Variants in FAT3 observed in about 807,000 individuals in gnomAD.
The protein encoded by FAT3 is FAT atypical cadherin 3.
Under a neutral mutation model 310.2 loss-of-function variants are expected in FAT3, and 95 were observed. The ratio of observed to expected loss-of-function variants is 0.31; its 90% confidence interval spans 0.26 to 0.36. The LOEUF (loss-of-function observed/expected upper bound fraction) is 0.36, where lower values mean the gene tolerates loss of function less well. FAT3 is among the 10% of genes least tolerant of loss of function. The pLI, the probability that FAT3 is intolerant of heterozygous loss-of-function variation, is 1.00. For missense variants in FAT3, 5,408 were observed against 5,715.6 expected, an observed-to-expected ratio of 0.95 and a Z score of 1.74; for synonymous variants, 2,314 against 2,192.9, an observed-to-expected ratio of 1.06 and a Z score of -1.54.
Position 92,798,201 on chromosome 11 carries a change from G to A in FAT3, c.5188G>A (p.Asp1730Asn), listed in dbSNP as rs770273375. ...SGVITTQKAL[D>N]YERTSSYQLI... ...AGTCATCACCACTCAGAAGGCCCTG[G>A]ATTATGAGCGCACATCCTCTTATCA... is the stretch of plus-strand genomic sequence containing the variant. Residue 1730 changes from aspartate (D) to asparagine (N), a missense_variant, in exon 10 of 28, where the codon GAT becomes AAT. Transcript: ENST00000525166. 3 of 1,613,782 alleles carry A rather than the reference G, an allele frequency of 1.9e-6. No homozygotes were observed. Among genetic ancestry groups the A allele is most frequent in the Admixed American group, 3.3e-5 (2 of 59,996 alleles).
At chr11:92,487,011 T>A (rs976664135) in intron 2 of FAT3, among the ~76,000 whole-genome samples, 2 of 152,142 alleles carry the variant, frequency 1.3e-5, no homozygotes, top group Non-Finnish European at 2.9e-5. Context: ...AAGGCAGAGT[T>A]TAAAAGGGTC....
At chr11:92,774,001 T>C in intron 6 of FAT3, 40 bp from the exon 7 acceptor site, 1 of 1,607,802 alleles carries the variant, frequency 6.2e-7, no homozygotes, top group Non-Finnish European at 8.5e-7. Flanking sequence ...TGTAACAAGT[T>C]ATCAGATTTG....
Position 92,633,694 on chromosome 11 carries a change from T to C in FAT3, c.3608-63690T>C, listed in dbSNP as rs560466791. Among the ~76,000 whole-genome samples, 59 of 152,282 alleles carry C rather than the reference T, an allele frequency of 3.9e-4. 1 individual carries two copies. In the South Asian group the frequency reaches 0.012, roughly 31 times the overall value. On this transcript the variant is annotated intron_variant, in intron 3 of 27. Coordinates refer to ENST00000525166, the MANE Select transcript of FAT3 (RefSeq NM_001367949.2). Reference sequence around the variant, plus strand: ...GCTCATCCTGCCACTTATGGGTCAATTGGAGGCAAAGGATAGAAGGAGAAA... The same window carrying C: ...GCTCATCCTGCCACTTATGGGTCAACTGGAGGCAAAGGATAGAAGGAGAAA...
At chr11:92,873,142 A>T (rs542803623) in intron 22 of FAT3, among the ~76,000 whole-genome samples, 10 of 152,342 alleles carry the variant, frequency 6.6e-5, no homozygotes, top group Admixed American at 6.5e-4. Context: ...GTGGTTTATG[A>T]ATCCAGAAAC....
At chr11:92,644,839 G>A (rs1004970246) in intron 3 of FAT3, among the ~76,000 whole-genome samples, 14 of 152,168 alleles carry the variant, frequency 9.2e-5, no homozygotes, top group Non-Finnish European at 1.8e-4. Flanking sequence ...TCTAACATGC[G>A]TGACTGGTTA....
chr11:92,723,875 C>T (rs1035691579), intron 4 of FAT3, among the ~76,000 whole-genome samples: 4 of 152,170 alleles, frequency 2.6e-5, no homozygotes, highest in Admixed American at 6.5e-5. Flanking sequence ...TCCCACAACA[C>T]GTGGGAATTC....
At chr11:92,737,748 G>C (rs1453147418) in intron 4 of FAT3, among the ~76,000 whole-genome samples, 1 of 151,758 alleles carries the variant, frequency 6.6e-6, no homozygotes, top group Non-Finnish European at 1.5e-5. Flanking sequence ...ACTGTAATTT[G>C]GGAAGAACGA....
rs1287510133 is a variant in FAT3, at chr11:92,890,625, C to T, written c.13282C>T (p.Leu4428=). 1 of 1,613,720 alleles carries T rather than the reference C, an allele frequency of 6.2e-7. No individual in the cohort carries two copies. The highest frequency in any genetic ancestry group is 8.5e-7 in the Non-Finnish European group (1 of 1,179,876). The part of the protein sequence containing the change: ...STRELESDYY[L]GGYDIDSEYP... ...ACGGGAGCTGGAGAGCGATTACTAC[C>T]TGGGTGGTTATGACATTGACAGTGA... The change falls in exon 28 of 28, where the codon CTG becomes TTG. Residue 4428 remains leucine, a synonymous_variant. Coordinates refer to ENST00000525166, the MANE Select transcript of FAT3 (RefSeq NM_001367949.2).
At chr11:92,623,670 A>G (rs1421967317) in intron 3 of FAT3, among the ~76,000 whole-genome samples, 1 of 152,222 alleles carries the variant, frequency 6.6e-6, no homozygotes, top group Non-Finnish European at 1.5e-5. Context: ...GTGGCTGGGC[A>G]TGGTGTCTCA....
intron 17 of FAT3, 94 bp from the exon 18 acceptor site, chr11:92,840,468 T>C: frequency 8.4e-7 from 1 of 1,185,488 alleles, no homozygotes; most frequent in Non-Finnish European, 1.1e-6. Context: ...CAGCCTGAAA[T>C]GATGGTATTT....
In FAT3 at chr11:92,718,281, T is replaced by A. The variant is rs72962418; in HGVS notation, c.3669+20836T>A. 1.7e-3 allele frequency among the ~76,000 whole-genome samples: 255 copies of A among 152,286 alleles called. 1 individual carries two copies. Among genetic ancestry groups the A allele is most frequent in the Non-Finnish European group, 3.2e-3 (215 of 68,028 alleles). On this transcript the variant is annotated intron_variant, in intron 4 of 27. Transcript: ENST00000525166. ...AAAGGTTTATTACTTGCATATGAGC[T>A]TTCTGGGGAGAACAGGGTGGGCTTC... is the stretch of plus-strand genomic sequence containing the variant.
In FAT3 at chr11:92,450,116, G is replaced by T. The variant is rs1443779397; in HGVS notation, c.3293-74518G>T. On this transcript the variant is annotated intron_variant, in intron 2 of 27. Transcript: ENST00000525166. ...CCTGCACCAATCGGCTTTGACAACT[G>T]TGTATACGGCCCCTGCCTGACCTGC... Among the ~76,000 whole-genome samples the T allele has an allele frequency of 8.1e-4, 123 of 152,164 alleles. 1 individual carries two copies. Among genetic ancestry groups the T allele is most frequent in the Non-Finnish European group, 5.9e-5 (4 of 68,030 alleles).
rs866967910 is a variant in FAT3 at position 92,874,928 on chromosome 11, A to T, written c.12128-5803A>T. ...AGACCTCTTCTTTTTCCTTCATAGG[A>T]TCACTGTGATCCTTCAGAGAATGAA... is the stretch of plus-strand genomic sequence containing the variant. On this transcript the variant is annotated intron_variant, in intron 22 of 27. Transcript: ENST00000525166. Among the ~76,000 whole-genome samples the T allele has an allele frequency of 2.6e-5, 4 of 152,090 alleles. No homozygotes were observed. The South Asian group carries it at 8.3e-4, about 31-fold the overall frequency.
intron 1 of FAT3, among the ~76,000 whole-genome samples, chr11:92,347,773 G>A (rs886325922): frequency 2.0e-5 from 3 of 152,090 alleles, no homozygotes; most frequent in Non-Finnish European, 2.9e-5. Flanking sequence ...TGATCTCTTT[G>A]GAGATTATAT....
intron 2 of FAT3, among the ~76,000 whole-genome samples, chr11:92,418,419 A>ACC (rs1208826432): frequency 0.11 from 4,330 of 39,386 alleles, 17 homozygotes; most frequent in Non-Finnish European, 0.16. Flanking sequence ...AAAGTTAAAC[A>ACC]CCCCCCCCAC....
intron 4 of FAT3, among the ~76,000 whole-genome samples, chr11:92,746,434 C>A (rs760240264): frequency 1.3e-5 from 2 of 152,152 alleles, no homozygotes; most frequent in Admixed American, 6.5e-5. Flanking sequence ...ATTCATTTAT[C>A]GCCACCTGGT....
At chr11:92,306,665 AAAG>A (rs1947136797) in intron 1 of FAT3, among the ~76,000 whole-genome samples, 1 of 123,356 alleles carries the variant, frequency 8.1e-6, no homozygotes, top group Admixed American at 1.0e-4. Flanking sequence ...ATATATATAT[AAAG>A]TGGAGAGCCT....
chr11:92,635,927 T>A (rs1282147374), intron 3 of FAT3, among the ~76,000 whole-genome samples: 1 of 152,146 alleles, frequency 6.6e-6, no homozygotes, highest in African/African-American at 2.4e-5. Context: ...TGTAAGCAGT[T>A]CCTACAAGGT....
chr11:92,350,615 G>T (rs1817790889), intron 1 of FAT3, among the ~76,000 whole-genome samples: 1 of 152,124 alleles, frequency 6.6e-6, no homozygotes, highest in Non-Finnish European at 1.5e-5. Context: ...TAAGGTCTGA[G>T]ATCCTGCTTT....
Sources: gnomAD v4.1 joint callset for allele counts (sites outside exome capture counted in the v4.1 genomes callset) on GRCh38, gnomAD v4.1.1 for gene constraint, MANE v1.5 for transcripts, NCBI Gene and HGNC (gene_info 2026-07-23, HGNC 2026-07-21) for gene names.